CPA6: variants seen among roughly 807,000 people sequenced by gnomAD.
The protein encoded by CPA6 is carboxypeptidase B.
In CPA6, 58 loss-of-function variants were observed where a neutral mutation model predicts 63.3. The observed-to-expected ratio is 0.92, with a 90% confidence interval of 0.74 to 1.14. CPA6 has a LOEUF of 1.14. CPA6 is among the 50% of genes most tolerant of loss of function. The pLI is 0.00. For synonymous variants in CPA6, 185 were observed against 179.0 expected (o/e 1.03, Z -0.27); for missense variants, 565 against 526.6 (o/e 1.07, Z -0.71).
chr8:67,611,885 A>T (rs1368320890), intron 2 of CPA6, among the ~76,000 whole-genome samples: 1 of 152,178 alleles, frequency 6.6e-6, no homozygotes, highest in Non-Finnish European at 1.5e-5. Context: ...CACCCTTCTG[A>T]TAGAGGGGAA....
chr8:67,482,737 G>A (rs1811385867), intron 8 of CPA6, among the ~76,000 whole-genome samples: 1 of 152,154 alleles, frequency 6.6e-6, no homozygotes, highest in Admixed American at 6.5e-5. Flanking sequence ...TGAGGTGGTT[G>A]GCATTATACT....
At chr8:67,546,638 CCA>C (rs1219562365) in intron 2 of CPA6, among the ~76,000 whole-genome samples, 11 of 152,222 alleles carry the variant, frequency 7.2e-5, no homozygotes, top group Non-Finnish European at 1.3e-4. Context: ...GGCCCCATGT[CCA>C]GAGTTCTTGA....
At chr8:67,690,351 A>G (rs1816791522) in intron 1 of CPA6, among the ~76,000 whole-genome samples, 1 of 152,108 alleles carries the variant, frequency 6.6e-6, no homozygotes, top group Non-Finnish European at 1.5e-5. Flanking sequence ...TTTAGAGTTA[A>G]TGAATATTAA....
intron 1 of CPA6, among the ~76,000 whole-genome samples, chr8:67,677,077 C>T (rs1322988386): frequency 6.6e-6 from 1 of 152,188 alleles, no homozygotes; most frequent in Non-Finnish European, 1.5e-5. Flanking sequence ...ACATTTAGGT[C>T]ATCTGTTAGT....
chr8:67,473,162 G>C (rs1256966845), intron 8 of CPA6, among the ~76,000 whole-genome samples: 1 of 152,154 alleles, frequency 6.6e-6, no homozygotes, highest in African/African-American at 2.4e-5. Context: ...GAAAAGGAAA[G>C]CTTTTTGTAT....
At chr8:67,465,088 A>G (rs1281808917) in intron 8 of CPA6, among the ~76,000 whole-genome samples, 1 of 152,184 alleles carries the variant, frequency 6.6e-6, no homozygotes, top group African/African-American at 2.4e-5. Context: ...GAATCTGTAG[A>G]CAGCTTTGGG....
At chr8:67,569,596 G>C (rs186015527) in intron 2 of CPA6, 30 of 453,910 alleles carry the variant, frequency 6.6e-5, no homozygotes, top group African/African-American at 5.0e-4. Flanking sequence ...AGCTGAAATT[G>C]ATGAAGAACC....
chr8:67,597,230 G>A (rs555245733), intron 2 of CPA6, among the ~76,000 whole-genome samples: 6 of 130,270 alleles, frequency 4.6e-5, no homozygotes, highest in African/African-American at 1.2e-4. Flanking sequence ...ACAGAGTCTC[G>A]CTCTGTTGCC....
In CPA6 at chr8:67,632,476, TA is replaced by T. The variant is rs1002520032; in HGVS notation, c.117-8226del. Among the ~76,000 whole-genome samples the T allele has an allele frequency of 2.1e-4, 32 of 151,952 alleles. 1 individual carries two copies. The highest frequency in any genetic ancestry group is 6.3e-4 in the African/African-American group (26 of 41,440). On this transcript the variant is annotated intron_variant, in intron 1 of 10. Transcript: ENST00000297770. ...GTGTGTGCCACCACGCCCAGCTAATTAAAAAAAAATTTTTTTTAGAGATTTT... is the reference window on the plus strand; with the variant it reads ...GTGTGTGCCACCACGCCCAGCTAATTAAAAAAAATTTTTTTTAGAGATTTT...
chr8:67,623,379 G>A (rs1815124526), intron 2 of CPA6, among the ~76,000 whole-genome samples: 1 of 151,998 alleles, frequency 6.6e-6, no homozygotes, highest in Admixed American at 6.5e-5. Flanking sequence ...GAGATGGGTA[G>A]TAAATAGATA....
At chr8:67,563,235 T>C (rs916011977) in intron 2 of CPA6, among the ~76,000 whole-genome samples, 4 of 152,320 alleles carry the variant, frequency 2.6e-5, no homozygotes, top group South Asian at 2.1e-4. Context: ...AGAGAGTAAC[T>C]GTTCCTGAGT....
chr8:67,732,519 T>A (rs1817725106), intron 1 of CPA6: 1 of 152,228 alleles, frequency 6.6e-6, no homozygotes, highest in South Asian at 2.1e-4. Context: ...CTCAACTTGC[T>A]TATTTCCTGA....
intron 2 of CPA6, among the ~76,000 whole-genome samples, chr8:67,591,378 TG>T (rs1814119428): frequency 6.6e-6 from 1 of 152,200 alleles, no homozygotes; most frequent in South Asian, 2.1e-4. Context: ...GGCTCTTTTT[TG>T]GTTCCATATG....
chr8:67,728,088 A>C (rs567011241), intron 1 of CPA6, among the ~76,000 whole-genome samples: 44 of 151,034 alleles, frequency 2.9e-4, no homozygotes, highest in African/African-American at 9.5e-4. Context: ...AAAAAAAAAA[A>C]AAACAAAAAA....
chr8:67,486,365 A>G (rs1327723814), intron 6 of CPA6, among the ~76,000 whole-genome samples: 8 of 152,256 alleles, frequency 5.3e-5, no homozygotes, highest in Admixed American at 3.3e-4. Flanking sequence ...TGATATTTGC[A>G]TTGCAGATCA....
At chr8:67,505,564 G>A (rs151041527) in intron 6 of CPA6, among the ~76,000 whole-genome samples, 1,727 of 152,044 alleles carry the variant, frequency 0.011, 17 homozygotes, top group South Asian at 0.019. Flanking sequence ...TGTATACATT[G>A]GGTATTTGAT....
At chr8:67,485,726 T>C (rs1811463955) in intron 6 of CPA6, among the ~76,000 whole-genome samples, 1 of 152,172 alleles carries the variant, frequency 6.6e-6, no homozygotes, top group African/African-American at 2.4e-5. Context: ...CAGGAATGGA[T>C]TTGTTGGGTC....
chr8:67,657,368 A>G (rs1816010083), intron 1 of CPA6, among the ~76,000 whole-genome samples: 1 of 152,242 alleles, frequency 6.6e-6, no homozygotes, highest in Non-Finnish European at 1.5e-5. Flanking sequence ...ATGTAACTAT[A>G]TAATTCTTAA....
intron 2 of CPA6, among the ~76,000 whole-genome samples, chr8:67,550,457 T>G (rs28828153): frequency 0.6 from 90,434 of 151,726 alleles, 28,646 homozygotes; most frequent in East Asian, 0.72. Flanking sequence ...CGGGCATCTA[T>G]GTTGATTCCA....
Sources: allele counts gnomAD v4.1 joint callset (sites outside exome capture counted in the v4.1 genomes callset), GRCh38; gene constraint gnomAD v4.1.1; transcripts MANE v1.5; gene names NCBI Gene and HGNC (gene_info 2026-07-23, HGNC 2026-07-21).